The following AMMECR1 variants were observed in gnomAD, a reference collection of about 807,000 sequenced individuals.
AMMECR1 encodes the protein nuclear protein AMMECR1.
AMMECR1 carries 3 observed loss-of-function variants against 22.5 expected under a neutral mutation model. That is an observed-to-expected ratio of 0.13 (90% confidence interval 0.06 to 0.35). The LOEUF is 0.35. AMMECR1 is among the 10% of genes least tolerant of loss of function. The probability of loss-of-function intolerance (pLI) is 1.00; values close to 1 mark genes in which losing one functional copy is unlikely to be tolerated. For synonymous variants in AMMECR1, 130 were observed against 116.7 expected, an observed-to-expected ratio of 1.11 and a Z score of -0.74; for missense variants, 235 against 278.7, an observed-to-expected ratio of 0.84 and a Z score of 1.12.
At chrX:110,379,060 TA>T in intron 2 of AMMECR1, among the ~76,000 whole-genome samples, 1 of 112,176 alleles carries the variant, frequency 8.9e-6, no homozygotes, top group South Asian at 3.8e-4. Flanking sequence ...ACTACTCAAA[TA>T]AAGTTTGGAG....
chrX:110,268,312 C>T (rs888016542), intron 1 of AMMECR1, among the ~76,000 whole-genome samples: 1 of 112,007 alleles, frequency 8.9e-6, no homozygotes, highest in African/African-American at 3.3e-5. Context: ...CACAACCTCA[C>T]TGTGTTTAGG....
At chrX:110,350,034 C>A (rs913700297) in intron 2 of AMMECR1, among the ~76,000 whole-genome samples, 7 of 112,204 alleles carry the variant, frequency 6.2e-5, no homozygotes, top group African/African-American at 2.3e-4. Context: ...GAAAGCCTGC[C>A]ATCTTATGTT....
chrX:110,304,039 G>A (rs943225979), intron 1 of AMMECR1, among the ~76,000 whole-genome samples: 4 of 111,983 alleles, frequency 3.6e-5, no homozygotes, highest in Non-Finnish European at 7.5e-5. Context: ...TTTCTTCAAA[G>A]CATAATCATT....
chrX:110,211,120 T>A (rs1290449509), intron 3 of AMMECR1, among the ~76,000 whole-genome samples: 3 of 112,434 alleles, frequency 2.7e-5, no homozygotes, highest in African/African-American at 9.7e-5. Flanking sequence ...TCTTTTGAAA[T>A]CTGATCTAAG....
At chrX:110,224,243 T>C (rs2148176082) in intron 2 of AMMECR1, among the ~76,000 whole-genome samples, 1 of 111,288 alleles carries the variant, frequency 9.0e-6, no homozygotes, top group South Asian at 3.9e-4. Context: ...AATGACTACC[T>C]TTCCAGGTTC....
intron 2 of AMMECR1, among the ~76,000 whole-genome samples, chrX:110,331,548 C>T (rs1460188232): frequency 1.8e-5 from 2 of 110,859 alleles, no homozygotes; most frequent in East Asian, 5.6e-4. Flanking sequence ...ACCTTAAATC[C>T]ATTCCACTTC....
intron 1 of AMMECR1, among the ~76,000 whole-genome samples, chrX:110,265,317 G>C (rs1346889837): frequency 1.8e-5 from 2 of 111,553 alleles, no homozygotes; most frequent in African/African-American, 6.5e-5. Flanking sequence ...AAAATCAGTA[G>C]GGTTCAGAGA....
At chrX:110,418,371 C>A (rs893026790) in intron 2 of AMMECR1, among the ~76,000 whole-genome samples, 3 of 112,280 alleles carry the variant, frequency 2.7e-5, no homozygotes, top group Non-Finnish European at 5.6e-5. Flanking sequence ...GTGCTGAGAG[C>A]TGCGGTGAAT....
At chrX:110,201,121 G>C in intron 4 of AMMECR1, 71 bp from the exon 5 acceptor site, 1 of 683,956 alleles carries the variant, frequency 1.5e-6, no homozygotes, top group Non-Finnish European at 2.2e-6. Flanking sequence ...AATACAAAAT[G>C]ACTTTGTAGA....
chrX:110,429,487 G>GTTTTTTTTTTTTTTTTTTTT (rs2068781307), intron 1 of AMMECR1, among the ~76,000 whole-genome samples: 1 of 92,472 alleles, frequency 1.1e-5, no homozygotes, highest in African/African-American at 4.2e-5. Context: ...TTGTTTTTTT[G>GTTTTTTTTTTTTTTTTTTTT]GTTTTTTTGT....
chrX:110,210,655 T>C (rs1020273492), intron 3 of AMMECR1, among the ~76,000 whole-genome samples: 4 of 112,039 alleles, frequency 3.6e-5, no homozygotes, highest in African/African-American at 1.3e-4. Context: ...AGCCAATTTA[T>C]TCATCTCATC....
intron 1 of AMMECR1, among the ~76,000 whole-genome samples, chrX:110,276,649 G>A (rs1193211114): frequency 9.0e-6 from 1 of 111,715 alleles, no homozygotes; most frequent in African/African-American, 3.3e-5. Context: ...TCTTGCTGTA[G>A]GAACTCATAT....
intron 1 of AMMECR1, among the ~76,000 whole-genome samples, chrX:110,275,507 G>A (rs1226544049): frequency 9.1e-6 from 1 of 110,374 alleles, no homozygotes; most frequent in African/African-American, 3.3e-5. Flanking sequence ...CTTTCAAAAT[G>A]CTCTACCACT....
At chrX:110,391,157 T>C (rs768828387) in intron 2 of AMMECR1, among the ~76,000 whole-genome samples, 42 of 111,959 alleles carry the variant, frequency 3.8e-4, no homozygotes, top group Non-Finnish European at 6.8e-4. Context: ...GCTTGTCTAC[T>C]GAGCTTTTTT....
At chrX:110,419,290 C>T in intron 2 of AMMECR1, among the ~76,000 whole-genome samples, 1 of 112,420 alleles carries the variant, frequency 8.9e-6, no homozygotes, top group Middle Eastern at 4.6e-3. Context: ...GCCCCAGGGC[C>T]TTTGTTCGTG....
At chrX:110,263,113 A>G (rs1313005002) in intron 2 of AMMECR1, among the ~76,000 whole-genome samples, 3 of 111,331 alleles carry the variant, frequency 2.7e-5, no homozygotes, top group African/African-American at 9.8e-5. Context: ...GCCATTGATT[A>G]GTATTAAATG....
At chrX:110,217,502 T>TACACACACACACACAC (rs759487797) in intron 2 of AMMECR1, among the ~76,000 whole-genome samples, 184 of 88,581 alleles carry the variant, frequency 2.1e-3, no homozygotes, top group African/African-American at 6.9e-3. Context: ...GAATAGAAAA[T>TACACACACACACACAC]ACACACACAC....
intron 2 of AMMECR1, among the ~76,000 whole-genome samples, chrX:110,405,885 C>G (rs942541355): frequency 9.0e-6 from 1 of 111,529 alleles, no homozygotes; most frequent in Non-Finnish European, 1.9e-5. Flanking sequence ...CAAACAGTCT[C>G]TTTAATAAGC....
intron 2 of AMMECR1, among the ~76,000 whole-genome samples, chrX:110,388,874 T>C (rs370493451): frequency 1.8e-5 from 2 of 112,430 alleles, no homozygotes; most frequent in Non-Finnish European, 3.8e-5. Flanking sequence ...ATGAGGAAAC[T>C]GTGTGATGTA....
Sources: gnomAD v4.1 joint callset for allele counts (sites outside exome capture counted in the v4.1 genomes callset) on GRCh38, gnomAD v4.1.1 for gene constraint, MANE v1.5 for transcripts, NCBI Gene and HGNC (gene_info 2026-07-23, HGNC 2026-07-21) for gene names.